MBTD1: variants seen among roughly 807,000 people sequenced by gnomAD.
MBTD1 encodes the protein MBT domain-containing protein 1.
In MBTD1, 24 loss-of-function variants were observed where a neutral mutation model predicts 87.8. The ratio of observed to expected loss-of-function variants is 0.27; its 90% CI spans 0.20 to 0.38. The LOEUF is 0.38. MBTD1 is among the 10% of genes least tolerant of loss of function. The probability of loss-of-function intolerance (pLI) is 1.00; values close to 1 mark genes in which losing one functional copy is unlikely to be tolerated. For missense variants in MBTD1, 436 were observed against 760.2 expected (o/e 0.57, Z 5.02); for synonymous variants, 237 against 248.6 (o/e 0.95, Z 0.44).
intron 12 of MBTD1, 33 bp downstream of exon 12, chr17:51,201,559 T>C (rs1598318949): frequency 7.2e-7 from 1 of 1,382,096 alleles, no homozygotes; most frequent in South Asian, 1.2e-5. Context: ...ATCCTATAAT[T>C]GCATTTCTAT....
intron 2 of MBTD1, among the ~76,000 whole-genome samples, chr17:51,226,810 TTAGTAGAG>T (rs1452705259): frequency 2.0e-5 from 3 of 151,754 alleles, no homozygotes; most frequent in Admixed American, 6.6e-5. Context: ...TTTTGTACTT[TTAGTAGAG>T]ATGGGGTTTT....
chr17:51,187,139 C>T (rs895698172), intron 16 of MBTD1, among the ~76,000 whole-genome samples: 3 of 151,846 alleles, frequency 2.0e-5, no homozygotes, highest in African/African-American at 7.3e-5. Context: ...ACAAATTTAT[C>T]AGGCTGGGCA....
At chr17:51,181,018 A>G (rs979815979) in intron 16 of MBTD1, among the ~76,000 whole-genome samples, 4 of 141,768 alleles carry the variant, frequency 2.8e-5, no homozygotes, top group Non-Finnish European at 4.5e-5. Context: ...TCTGAAGTAC[A>G]ATCTTTTTTT....
At chr17:51,211,968 A>G (rs2052251903) in intron 6 of MBTD1, among the ~76,000 whole-genome samples, 1 of 152,198 alleles carries the variant, frequency 6.6e-6, no homozygotes, top group Non-Finnish European at 1.5e-5. Flanking sequence ...TGGTAACTTT[A>G]TCCCTTCAAA....
chr17:51,260,491 C>T (rs971395772), upstream of MBTD1: 2 of 1,386,104 alleles, frequency 1.4e-6, no homozygotes, highest in African/African-American at 1.5e-5. Flanking sequence ...TCCTTCCGGC[C>T]CCCGGGGCTT....
chr17:51,252,299 C>A (rs900869707), intron 2 of MBTD1, among the ~76,000 whole-genome samples: 21 of 152,132 alleles, frequency 1.4e-4, no homozygotes, highest in Non-Finnish European at 2.8e-4. Context: ...TATCTTAAAA[C>A]GTTTTAAATT....
chr17:51,197,758 C>T (rs2051221596), intron 12 of MBTD1, among the ~76,000 whole-genome samples: 4 of 152,262 alleles, frequency 2.6e-5, no homozygotes, highest in East Asian at 1.9e-4. Context: ...CTGCCTGCCT[C>T]GGCCTCTCAA....
At chr17:51,260,921 C>T, upstream of MBTD1, 1 of 1,575,380 alleles carries the variant, frequency 6.3e-7, no homozygotes, top group African/African-American at 1.4e-5. Flanking sequence ...TCTGCGAGGC[C>T]CGAGGGTGAG....
chr17:51,227,191 G>A (rs1371463335), intron 2 of MBTD1, among the ~76,000 whole-genome samples: 2 of 144,258 alleles, frequency 1.4e-5, no homozygotes, highest in Non-Finnish European at 3.0e-5. Flanking sequence ...GCAGTGAGCT[G>A]AGATTGAGCC....
intron 2 of MBTD1, among the ~76,000 whole-genome samples, chr17:51,237,659 A>C (rs2143955857): frequency 6.6e-6 from 1 of 152,356 alleles, no homozygotes; most frequent in Middle Eastern, 3.4e-3. Context: ...AAAATTTATA[A>C]AAGTCCTCTA....
At chr17:51,238,159 T>C (rs951430657) in intron 2 of MBTD1, among the ~76,000 whole-genome samples, 5 of 152,202 alleles carry the variant, frequency 3.3e-5, no homozygotes, top group African/African-American at 4.8e-5. Context: ...AGGATTATAC[T>C]ACCTAGATTG....
At chr17:51,229,510 A>G (rs552694232) in intron 2 of MBTD1, among the ~76,000 whole-genome samples, 3 of 152,112 alleles carry the variant, frequency 2.0e-5, no homozygotes, top group East Asian at 3.9e-4. Context: ...CAGGAAACTA[A>G]TTTTCAGTTG....
chr17:51,220,765 C>T (rs1366806409), intron 3 of MBTD1, among the ~76,000 whole-genome samples: 1 of 152,182 alleles, frequency 6.6e-6, no homozygotes, highest in Non-Finnish European at 1.5e-5. Flanking sequence ...TTCCTTAGTG[C>T]TTACCATGTG....
chr17:51,178,039 G>A lies in MBTD1; in HGVS notation c.*2537C>T, dbSNP rs1311657302. 6.6e-6 allele frequency: 1 copy of A among 152,068 alleles called. No individual in the cohort carries two copies. The highest frequency in any genetic ancestry group is 6.6e-5 in the Admixed American group (1 of 15,262). The allele number at this position is 152,068 out of a possible 1,614,324, so 9.4% of individuals were successfully genotyped here. On this transcript the variant is annotated 3_prime_UTR_variant, in exon 17 of 17. Transcript: ENST00000586178. ...ACAGCTTTAGCTTTCCTCATACACG[G>A]CAAGGAAAAGGTTAAAGAGTTTAAA... is the stretch of plus-strand genomic sequence containing the variant.
At chr17:51,260,943 C>T, upstream of MBTD1, 2 of 1,522,342 alleles carry the variant, frequency 1.3e-6, no homozygotes, top group Non-Finnish European at 1.8e-6. Flanking sequence ...GAGGCCGCGG[C>T]GCGCGGGCTG....
intron 16 of MBTD1, among the ~76,000 whole-genome samples, chr17:51,186,788 A>G (rs559928327): frequency 7.3e-5 from 11 of 151,716 alleles, no homozygotes; most frequent in Non-Finnish European, 1.6e-4. Context: ...AAAAAAAACC[A>G]AAACAAAACA....
At chr17:51,227,761 T>C (rs1365384489) in intron 2 of MBTD1, among the ~76,000 whole-genome samples, 2 of 151,826 alleles carry the variant, frequency 1.3e-5, no homozygotes, top group Non-Finnish European at 2.9e-5. Context: ...ACCAGCCTAG[T>C]CCACGTGGGG....
chr17:51,236,592 T>C (rs1414357290), intron 2 of MBTD1, among the ~76,000 whole-genome samples: 2 of 152,142 alleles, frequency 1.3e-5, no homozygotes, highest in African/African-American at 2.4e-5. Context: ...GTTAGTCTTG[T>C]TCATCTTCTG....
intron 2 of MBTD1, chr17:51,250,325 C>T (rs1011449094): frequency 1.3e-5 from 2 of 152,112 alleles, no homozygotes; most frequent in Non-Finnish European, 2.9e-5. Flanking sequence ...AATCTTAGTT[C>T]AAAAAGATAT....
Sources: allele counts gnomAD v4.1 joint callset (sites outside exome capture counted in the v4.1 genomes callset), GRCh38; gene constraint gnomAD v4.1.1; transcripts MANE v1.5; gene names NCBI Gene and HGNC (gene_info 2026-07-23, HGNC 2026-07-21).